The following AFDN variants were observed in gnomAD, a reference collection of about 807,000 sequenced individuals.
The protein encoded by AFDN is afadin, adherens junction formation factor.
Under a neutral mutation model 216.6 loss-of-function variants are expected in AFDN, and 68 were observed. That is an observed-to-expected ratio of 0.31 (90% CI 0.26 to 0.38). The LOEUF is 0.38. Among genes scored for constraint, AFDN ranks in the 10% least tolerant of loss-of-function variants. The pLI is 1.00. For synonymous variants in AFDN, 868 were observed against 853.7 expected (o/e 1.02, Z -0.29); for missense variants, 2,136 against 2,342.0 (o/e 0.91, Z 1.82).
chr6:167,861,964 G>C (rs1783624186), intron 1 of AFDN, among the ~76,000 whole-genome samples: 1 of 152,194 alleles, frequency 6.6e-6, no homozygotes, highest in Non-Finnish European at 1.5e-5. Context: ...AGCCTTTGGA[G>C]AAGCCTGGGG....
In AFDN at chr6:167,902,900, TTTG is replaced by T. The variant is rs1789169752; in HGVS notation, c.1650+517_1650+519del. On this transcript the variant is annotated intron_variant, in intron 12 of 33. Transcript: ENST00000683244. ...TGGGTTGTCCTAATCTGCTGTGTTG[TTTG>T]TTAGTGATACATAAAAGAAAGTTAC... is the stretch of plus-strand genomic sequence containing the variant. Among the ~76,000 whole-genome samples the T allele has an allele frequency of 2.6e-5, 4 of 152,330 alleles. No individual in the cohort carries two copies. The South Asian group carries it at 8.3e-4, about 32-fold the overall frequency.
chr6:167,885,223 G>T (rs1219163334), intron 6 of AFDN, among the ~76,000 whole-genome samples: 2 of 152,156 alleles, frequency 1.3e-5, no homozygotes, highest in Non-Finnish European at 2.9e-5. Context: ...GAGCAATAAG[G>T]CTGTTTCTCT....
chr6:167,893,963 C>A (rs1183343485), intron 9 of AFDN, 57 bp downstream of exon 9: 5 of 1,295,224 alleles, frequency 3.9e-6, no homozygotes, highest in South Asian at 3.8e-5. Context: ...ACCTCATGGG[C>A]AGAATAGTGT....
At chr6:167,952,327 T>C (rs1796090087) in intron 30 of AFDN, 140 bp downstream of exon 30, 1 of 1,521,630 alleles carries the variant, frequency 6.6e-7, no homozygotes, top group Non-Finnish European at 8.8e-7. Context: ...ATTGTATGTG[T>C]TACTCTTGGC....
At chr6:167,834,872 C>T (rs1780247913) in intron 1 of AFDN, among the ~76,000 whole-genome samples, 1 of 151,948 alleles carries the variant, frequency 6.6e-6, no homozygotes, top group Non-Finnish European at 1.5e-5. Context: ...TTCCCAGCTT[C>T]TTGGGAGGCT....
At chr6:167,873,361 AG>A (rs1335152093) in intron 4 of AFDN, among the ~76,000 whole-genome samples, 1 of 152,164 alleles carries the variant, frequency 6.6e-6, no homozygotes, top group East Asian at 1.9e-4. Flanking sequence ...TTTTCCACTA[AG>A]ATGTTTATAT....
At chr6:167,847,169 A>T (rs1781793506) in intron 1 of AFDN, among the ~76,000 whole-genome samples, 1 of 151,448 alleles carries the variant, frequency 6.6e-6, no homozygotes, top group Admixed American at 6.6e-5. Flanking sequence ...GCAGCAGTTG[A>T]TCACATCTTC....
intron 31 of AFDN, chr6:167,963,517 G>A: frequency 5.7e-6 from 6 of 1,055,112 alleles, no homozygotes; most frequent in Non-Finnish European, 6.9e-6. Context: ...GGAGTTTTTT[G>A]TAGTGATATG....
chr6:167,892,812 A>AT (rs1449523763), intron 8 of AFDN, among the ~76,000 whole-genome samples: 6 of 151,714 alleles, frequency 4.0e-5, no homozygotes, highest in East Asian at 1.9e-4. Flanking sequence ...AATACATAGA[A>AT]TTTTTTTTTG....
At chr6:167,946,066 C>CG (rs1795219726) in intron 26 of AFDN, among the ~76,000 whole-genome samples, 1 of 152,214 alleles carries the variant, frequency 6.6e-6, no homozygotes, top group African/African-American at 2.4e-5. Context: ...AAACACACAC[C>CG]ACCCAAGGGG....
intron 26 of AFDN, among the ~76,000 whole-genome samples, chr6:167,945,967 C>G (rs560177947): frequency 6.6e-6 from 1 of 152,310 alleles, no homozygotes; most frequent in African/African-American, 2.4e-5. Context: ...AGAAACCTCA[C>G]AACCCAGAAC....
intron 1 of AFDN, among the ~76,000 whole-genome samples, chr6:167,849,129 C>T (rs1297973348): frequency 6.8e-6 from 1 of 147,556 alleles, no homozygotes; most frequent in Non-Finnish European, 1.5e-5. Context: ...ATAATACCTA[C>T]CTTATGGGGT....
chr6:167,960,117 C>G (rs907112012), intron 30 of AFDN, among the ~76,000 whole-genome samples: 1 of 152,152 alleles, frequency 6.6e-6, no homozygotes, highest in Non-Finnish European at 1.5e-5. Context: ...TTAAGAGATT[C>G]TCGTTTTTCT....
intron 23 of AFDN, among the ~76,000 whole-genome samples, chr6:167,934,931 A>G (rs1255107701): frequency 6.6e-6 from 1 of 151,934 alleles, no homozygotes; most frequent in Non-Finnish European, 1.5e-5. Context: ...CCTTGTTGCC[A>G]TTTCTCATCG....
intron 1 of AFDN, among the ~76,000 whole-genome samples, chr6:167,832,409 C>CTAAA (rs756426569): frequency 3.3e-5 from 5 of 152,114 alleles, no homozygotes; most frequent in Non-Finnish European, 7.4e-5. Flanking sequence ...TGTAACTGGG[C>CTAAA]TAAAGCAGGC....
chr6:167,945,444 T>TA (rs1232328905), intron 26 of AFDN, among the ~76,000 whole-genome samples: 3 of 152,108 alleles, frequency 2.0e-5, no homozygotes, highest in African/African-American at 7.2e-5. Flanking sequence ...AAAATAACAA[T>TA]AAAAAATATA....
intron 1 of AFDN, among the ~76,000 whole-genome samples, chr6:167,836,945 T>C (rs1466351126): frequency 1.3e-5 from 2 of 152,272 alleles, no homozygotes; most frequent in Admixed American, 6.5e-5. Flanking sequence ...CTGAATTTAA[T>C]GTTTATGACC....
intron 21 of AFDN, among the ~76,000 whole-genome samples, chr6:167,921,055 C>T (rs1791729315): frequency 6.6e-6 from 1 of 152,254 alleles, no homozygotes; most frequent in African/African-American, 2.4e-5. Context: ...CTCTGATCCT[C>T]AGCACCTCAC....
intron 6 of AFDN, among the ~76,000 whole-genome samples, chr6:167,888,197 G>T (rs1233382432): frequency 6.6e-6 from 1 of 152,218 alleles, no homozygotes; most frequent in Non-Finnish European, 1.5e-5. Flanking sequence ...GAAACACTAT[G>T]AAGAAAGATT....
Sources: allele counts gnomAD v4.1 joint callset (sites outside exome capture counted in the v4.1 genomes callset), GRCh38; gene constraint gnomAD v4.1.1; transcripts MANE v1.5; gene names NCBI Gene and HGNC (gene_info 2026-07-23, HGNC 2026-07-21).